CDH11: variants seen among roughly 807,000 people sequenced by gnomAD.
CDH11 encodes the protein cadherin-11.
Under a neutral mutation model 67.8 loss-of-function variants are expected in CDH11, and 11 were observed. The ratio of observed to expected loss-of-function variants is 0.16; its 90% CI spans 0.10 to 0.27. The LOEUF (loss-of-function observed/expected upper bound fraction) is 0.27. Ranked by LOEUF, CDH11 falls within the 10% of genes least tolerant of loss-of-function variation. CDH11 has a pLI of 1.00. For missense variants in CDH11, 847 were observed against 1,031.2 expected (o/e 0.82, Z 2.45); for synonymous variants, 419 against 400.0 (o/e 1.05, Z -0.57).
At chr16:65,069,333 G>C (rs572667899) in intron 1 of CDH11, among the ~76,000 whole-genome samples, 1 of 152,340 alleles carries the variant, frequency 6.6e-6, no homozygotes, top group East Asian at 1.9e-4. Context: ...TTGAATAGTA[G>C]GAGGAAGAAA....
chr16:64,954,256 C>T (rs1181889175), intron 11 of CDH11, among the ~76,000 whole-genome samples: 1 of 152,188 alleles, frequency 6.6e-6, no homozygotes, highest in Non-Finnish European at 1.5e-5. Context: ...AGTAGGATCG[C>T]AAGAACTTTT....
chr16:65,017,481 A>G (rs555479966), intron 2 of CDH11, among the ~76,000 whole-genome samples: 1 of 152,300 alleles, frequency 6.6e-6, no homozygotes, highest in East Asian at 1.9e-4. Context: ...CTCATAACTG[A>G]ATCTTGTAAA....
At chr16:64,954,948 T>C (rs78189325) in intron 11 of CDH11, among the ~76,000 whole-genome samples, 65 of 121,382 alleles carry the variant, frequency 5.4e-4, no homozygotes, top group South Asian at 1.8e-3. Flanking sequence ...TACTAAAAAA[T>C]AAAAAAAAAA....
chr16:65,095,525 T>C (rs2074874341), intron 1 of CDH11, among the ~76,000 whole-genome samples: 1 of 152,164 alleles, frequency 6.6e-6, no homozygotes, highest in African/African-American at 2.4e-5. Flanking sequence ...AGGTATTCAG[T>C]GGATGTAATT....
intron 11 of CDH11, among the ~76,000 whole-genome samples, chr16:64,963,677 A>G (rs1387998212): frequency 6.6e-6 from 1 of 152,152 alleles, no homozygotes; most frequent in Non-Finnish European, 1.5e-5. Flanking sequence ...CAGAAAAATC[A>G]AAGATTTTTT....
chr16:65,099,259 A>G (rs535437631), intron 1 of CDH11, among the ~76,000 whole-genome samples: 182 of 152,322 alleles, frequency 1.2e-3, no homozygotes, highest in African/African-American at 4.4e-3. Context: ...ATTTAAAAAA[A>G]CAGGGAAGGT....
At chr16:64,958,440 C>T (rs1238929422) in intron 11 of CDH11, among the ~76,000 whole-genome samples, 2 of 152,072 alleles carry the variant, frequency 1.3e-5, no homozygotes, top group Non-Finnish European at 2.9e-5. Flanking sequence ...TTTAACTAAG[C>T]AACATTGATT....
At chr16:65,048,928 T>C (rs1300979633) in intron 2 of CDH11, among the ~76,000 whole-genome samples, 1 of 152,008 alleles carries the variant, frequency 6.6e-6, no homozygotes, top group Non-Finnish European at 1.5e-5. Flanking sequence ...TGGAGGCTAT[T>C]ATCCTAAGTG....
At chr16:65,102,324 C>G (rs2075004436) in intron 1 of CDH11, among the ~76,000 whole-genome samples, 1 of 152,198 alleles carries the variant, frequency 6.6e-6, no homozygotes, top group Admixed American at 6.5e-5. Context: ...ATTGAGTCAA[C>G]AGTTGAAGAG....
At chr16:65,022,001 G>C (rs964964025) in intron 2 of CDH11, among the ~76,000 whole-genome samples, 4 of 151,586 alleles carry the variant, frequency 2.6e-5, no homozygotes, top group African/African-American at 9.7e-5. Flanking sequence ...CATTCTCTAA[G>C]ACAAAAATTG....
At chr16:65,083,499 G>T (rs1201494864) in intron 1 of CDH11, among the ~76,000 whole-genome samples, 1 of 152,180 alleles carries the variant, frequency 6.6e-6, no homozygotes, top group Non-Finnish European at 1.5e-5. Context: ...TGTCCAAATA[G>T]CAAAAATGGG....
chr16:65,115,707 C>CAAA lies in CDH11; in HGVS notation c.-298+6170_-298+6172dup, dbSNP rs750108148. Among the ~76,000 whole-genome samples the CAAA allele has an allele frequency of 4.9e-3, 292 of 59,852 alleles. 6 individuals are homozygous for CAAA. The highest frequency in any genetic ancestry group is 0.011 in the East Asian group (24 of 2,140). 39.3% of individuals were successfully genotyped at this position (59,852 alleles called of 152,430 possible). A position where few individuals can be genotyped will look rare whatever the true frequency, so the allele number is the denominator to read the frequency against. On this transcript the variant is annotated intron_variant, in intron 1 of 12. Transcript: ENST00000268603. ...TCACTCACAAAATATAAGGCTACACCAAAAAAAAAAAAAACAAAAAAACAA... is the reference window on the plus strand; with the variant it reads ...TCACTCACAAAATATAAGGCTACACCAAAAAAAAAAAAAAAAACAAAAAAACAA...
Position 65,071,767 on chromosome 16 carries a change from G to A in CDH11, c.-297-17839C>T, listed in dbSNP as rs918992227. The stretch of plus-strand genomic sequence containing the variant: ...GGCTCTGGCAGCAGCAACCAGGCTG[G>A]AATAAAAACAAACTCTGAATCAAAG... On this transcript the variant is annotated intron_variant, in intron 1 of 12. Coordinates refer to ENST00000268603, the MANE Select transcript of CDH11 (RefSeq NM_001797.4). 2.6e-5 allele frequency among the ~76,000 whole-genome samples: 4 copies of A among 152,268 alleles called. No homozygotes were observed. The South Asian group carries it at 8.3e-4, about 32-fold the overall frequency.
At chr16:64,954,376 T>C (rs1278617865) in intron 11 of CDH11, among the ~76,000 whole-genome samples, 1 of 152,202 alleles carries the variant, frequency 6.6e-6, no homozygotes, top group African/African-American at 2.4e-5. Context: ...TTATCTGCTT[T>C]CAATTGGGTA....
chr16:65,027,878 C>T (rs113413741), intron 2 of CDH11, among the ~76,000 whole-genome samples: 1 of 152,120 alleles, frequency 6.6e-6, no homozygotes, highest in African/African-American at 2.4e-5. Context: ...TCACACAGCA[C>T]CCACAGGGAA....
At chr16:65,053,974 T>C (rs2074100837) in intron 1 of CDH11, 46 bp from the exon 2 acceptor site, 2 of 454,928 alleles carry the variant, frequency 4.4e-6, no homozygotes, top group African/African-American at 4.0e-5. Flanking sequence ...GTGCCATGAA[T>C]TGACCAAGTG....
intron 4 of CDH11, among the ~76,000 whole-genome samples, 162 bp from the exon 5 acceptor site, chr16:64,993,196 A>ACCTTCCTTCCTCCCTTCCTT (rs2072675553): frequency 6.8e-6 from 1 of 147,102 alleles, no homozygotes; most frequent in Non-Finnish European, 1.5e-5. Context: ...CAGCCAACCA[A>ACCTTCCTTCCTCCCTTCCTT]CCTTCCTTCC....
chr16:65,082,032 C>G (rs2074619855), intron 1 of CDH11, among the ~76,000 whole-genome samples: 1 of 152,194 alleles, frequency 6.6e-6, no homozygotes, highest in South Asian at 2.1e-4. Flanking sequence ...AGCTGCCTAA[C>G]AGGCTCTCAT....
chr16:65,029,082 T>C (rs1437911851), intron 2 of CDH11, among the ~76,000 whole-genome samples: 1 of 152,222 alleles, frequency 6.6e-6, no homozygotes, highest in Non-Finnish European at 1.5e-5. Context: ...TTTGATCTCA[T>C]GTTAAATATT....
Sources: allele counts gnomAD v4.1 joint callset (sites outside exome capture counted in the v4.1 genomes callset), GRCh38; gene constraint gnomAD v4.1.1; transcripts MANE v1.5; gene names NCBI Gene and HGNC (gene_info 2026-07-23, HGNC 2026-07-21).